Variants in LUC7L observed in about 807,000 individuals in gnomAD.
The protein encoded by LUC7L is putative RNA-binding protein Luc7-like 1.
Under a neutral mutation model 51.1 loss-of-function variants are expected in LUC7L, and 29 were observed. That is an observed-to-expected ratio of 0.57 (90% CI 0.42 to 0.77). The LOEUF (loss-of-function observed/expected upper bound fraction) is 0.77. Among genes scored for constraint, LUC7L ranks in the 30% least tolerant of loss-of-function variants. The pLI is 0.00. For synonymous variants in LUC7L, 181 were observed against 180.7 expected (o/e 1.00, Z -0.01); for missense variants, 403 against 511.9 (o/e 0.79, Z 2.05).
At chr16:202,112 T>C (rs536006603) in intron 5 of LUC7L, among the ~76,000 whole-genome samples, 25 of 152,204 alleles carry the variant, frequency 1.6e-4, no homozygotes, top group Admixed American at 1.4e-3. Context: ...ACTCCTGGAC[T>C]CAAGCAATCC....
chr16:199,479 G>A (rs2049256837), intron 5 of LUC7L, among the ~76,000 whole-genome samples: 1 of 152,128 alleles, frequency 6.6e-6, no homozygotes. Context: ...GTGGTCAAGA[G>A]ATCAAGACCA....
At chr16:208,622 A>G in intron 3 of LUC7L, 1 of 994,576 alleles carries the variant, frequency 1.0e-6, no homozygotes, top group Non-Finnish European at 1.2e-6. Flanking sequence ...AGCCACGTAA[A>G]TATTATTCCC....
intron 7 of LUC7L, among the ~76,000 whole-genome samples, chr16:192,538 C>T (rs918223324): frequency 7.2e-6 from 1 of 139,726 alleles, no homozygotes; most frequent in East Asian, 2.1e-4. Context: ...GATGGAGTCT[C>T]TGTTGCCCAG....
intron 3 of LUC7L, among the ~76,000 whole-genome samples, chr16:211,690 C>T (rs533381068): frequency 6.6e-6 from 1 of 152,130 alleles, no homozygotes; most frequent in African/African-American, 2.4e-5. Context: ...CACCCAATCT[C>T]TCTCTATCTC....
Position 189,110 on chromosome 16 carries a change from A to G in LUC7L, c.*88T>C. ...AAAACAATAGAAATTTTAAACTACA[A>G]AAGATGAGTTGTATTCAGCAAATAT... On this transcript the variant is annotated 3_prime_UTR_variant, in exon 10 of 10. Transcript: ENST00000293872. 7 of 1,383,860 alleles carry G rather than the reference A, an allele frequency of 5.1e-6. No homozygotes were observed. Among genetic ancestry groups the G allele is most frequent in the Admixed American group, 2.1e-5 (1 of 46,800 alleles). 85.7% of individuals were successfully genotyped at this position (1,383,860 alleles called of 1,614,324 possible).
intron 3 of LUC7L, among the ~76,000 whole-genome samples, chr16:216,037 T>C (rs906599952): frequency 3.3e-5 from 5 of 152,096 alleles, no homozygotes; most frequent in African/African-American, 1.2e-4. Context: ...ATTTCGCTCT[T>C]GTTGCCCAGG....
chr16:198,733 C>A (rs189918001), intron 6 of LUC7L, among the ~76,000 whole-genome samples: 490 of 151,984 alleles, frequency 3.2e-3, no homozygotes, highest in Non-Finnish European at 4.4e-3. Context: ...ATAGCCCAGG[C>A]TGGAATGCAA....
chr16:202,428 A>C (rs745897935), intron 5 of LUC7L, among the ~76,000 whole-genome samples: 2 of 152,158 alleles, frequency 1.3e-5, no homozygotes, highest in Admixed American at 6.6e-5. Context: ...GACGTGCCAC[A>C]CATCCAAACC....
At chr16:205,120 C>T (rs1163948136) in intron 5 of LUC7L, among the ~76,000 whole-genome samples, 4 of 152,208 alleles carry the variant, frequency 2.6e-5, no homozygotes, top group Non-Finnish European at 4.4e-5. Flanking sequence ...CTCTGCACTA[C>T]GTTTGTTAAC....
At chr16:220,502 C>G in intron 3 of LUC7L, 147 bp downstream of exon 3, 1 of 659,278 alleles carries the variant, frequency 1.5e-6, no homozygotes, top group Non-Finnish European at 2.7e-6. Flanking sequence ...ACAGTACTGG[C>G]TGTATTCTAG....
At chr16:228,669 T>G (rs756752254) in intron 1 of LUC7L, 53 of 1,183,964 alleles carry the variant, frequency 4.5e-5, no homozygotes, top group Non-Finnish European at 5.6e-5. Context: ...ACCATCATGA[T>G]CTTGAGCTCC....
chr16:198,214 G>C (rs903356445), intron 6 of LUC7L, among the ~76,000 whole-genome samples: 1 of 142,280 alleles, frequency 7.0e-6, no homozygotes, highest in African/African-American at 2.6e-5. Context: ...GGGAGGCGGA[G>C]CTTGCAGTAA....
intron 2 of LUC7L, among the ~76,000 whole-genome samples, chr16:225,543 A>C (rs2050107624): frequency 7.1e-6 from 1 of 140,094 alleles, no homozygotes; most frequent in Non-Finnish European, 1.5e-5. Flanking sequence ...CTGGAGTGCA[A>C]TGGCTCGATC....
intron 3 of LUC7L, among the ~76,000 whole-genome samples, chr16:214,564 T>C (rs2049734172): frequency 6.6e-6 from 1 of 152,214 alleles, no homozygotes; most frequent in South Asian, 2.1e-4. Flanking sequence ...TCTTGTTCTG[T>C]TCTCCAGGCT....
chr16:189,064 T>C lies in LUC7L; in HGVS notation c.*134A>G. On this transcript the variant is annotated 3_prime_UTR_variant, in exon 10 of 10. Coordinates refer to ENST00000293872, the MANE Select transcript of LUC7L (RefSeq NM_201412.3). Reference sequence around the variant, plus strand: ...ACACAGGAGCAACTCTGTACACTTCTAGAAACTCACAGCTAGCTCCAAAAC... The same window carrying C: ...ACACAGGAGCAACTCTGTACACTTCCAGAAACTCACAGCTAGCTCCAAAAC... The C allele has an allele frequency of 9.7e-7, 1 of 1,027,786 alleles. No individual in the cohort carries two copies. The highest frequency in any genetic ancestry group is 2.2e-5 in the Admixed American group (1 of 44,844). The allele number at this position is 1,027,786 out of a possible 1,614,324, so 63.7% of individuals were successfully genotyped here. A position where few individuals can be genotyped will look rare whatever the true frequency, so the allele number is the denominator to read the frequency against.
chr16:206,240 A>G, intron 4 of LUC7L, 93 bp from the exon 5 acceptor site: 1 of 1,235,458 alleles, frequency 8.1e-7, no homozygotes, highest in East Asian at 2.3e-5. Context: ...TCCAGTCTGA[A>G]AATAAGTGGA....
At position 206,211 on chromosome 16, in the gene LUC7L, G is replaced by A. The variant is rs993201198; in HGVS notation, c.367-64C>T. 32 of 1,490,838 alleles carry A rather than the reference G, an allele frequency of 2.1e-5. No individual in the cohort carries two copies. In the African/African-American group the frequency reaches 3.2e-4, roughly 15 times the overall value. The allele number at this position is 1,490,838 out of a possible 1,614,324, so 92.4% of individuals were successfully genotyped here. The stretch of plus-strand genomic sequence containing the variant: ...ATGAAAGTGAATGCAAAGGCAACAA[G>A]GGTTTCTCCTGCTCCATTTCCAGTC... On this transcript the variant is annotated intron_variant, in intron 4 of 9. Transcript: ENST00000293872.
At chr16:201,022 T>C (rs2049308544) in intron 5 of LUC7L, among the ~76,000 whole-genome samples, 1 of 151,032 alleles carries the variant, frequency 6.6e-6, no homozygotes, top group African/African-American at 2.4e-5. Context: ...ACAAAAAAAT[T>C]AGCTGGGCAC....
intron 5 of LUC7L, among the ~76,000 whole-genome samples, chr16:204,549 G>A (rs1364041806): frequency 3.3e-5 from 5 of 149,796 alleles, no homozygotes; most frequent in Admixed American, 6.7e-5. Context: ...AACTGAGATC[G>A]CACCACTGCA....
Sources: gnomAD v4.1 joint callset for allele counts (sites outside exome capture counted in the v4.1 genomes callset) on GRCh38, gnomAD v4.1.1 for gene constraint, MANE v1.5 for transcripts, NCBI Gene and HGNC (gene_info 2026-07-23, HGNC 2026-07-21) for gene names.